SRPK2: variants seen among roughly 807,000 people sequenced by gnomAD.
SRPK2 encodes SFRS protein kinase 2.
SRPK2 carries 21 observed loss-of-function variants against 90.8 expected under a neutral mutation model. That is an observed-to-expected ratio of 0.23 (90% confidence interval 0.16 to 0.33). The LOEUF (loss-of-function observed/expected upper bound fraction) is 0.33. Ranked by LOEUF, SRPK2 falls within the 10% of genes least tolerant of loss-of-function variation. SRPK2 has a pLI of 1.00. For synonymous variants in SRPK2, 288 were observed against 311.1 expected, an observed-to-expected ratio of 0.93 and a Z score of 0.78; for missense variants, 620 against 869.0, an observed-to-expected ratio of 0.71 and a Z score of 3.60.
intron 2 of SRPK2, among the ~76,000 whole-genome samples, chr7:105,218,943 A>T (rs191320862): frequency 3.6e-4 from 54 of 151,800 alleles, no homozygotes; most frequent in Admixed American, 1.1e-3. Context: ...AATTTTTTTT[A>T]AAAAAATAAT....
chr7:105,187,437 T>A (rs771740136), intron 3 of SRPK2, among the ~76,000 whole-genome samples: 14 of 152,242 alleles, frequency 9.2e-5, no homozygotes, highest in Non-Finnish European at 1.9e-4. Context: ...AATAATCTGC[T>A]ATGCTTTGCT....
At chr7:105,125,424 C>T (rs915718836) in intron 15 of SRPK2, among the ~76,000 whole-genome samples, 7 of 152,204 alleles carry the variant, frequency 4.6e-5, no homozygotes, top group South Asian at 2.1e-4. Context: ...TGGACGTTCC[C>T]TAAGTCCAGT....
At chr7:105,229,841 C>T (rs892325503) in intron 2 of SRPK2, among the ~76,000 whole-genome samples, 2 of 152,154 alleles carry the variant, frequency 1.3e-5, no homozygotes, top group African/African-American at 4.8e-5. Flanking sequence ...AAATCAACAG[C>T]GAAGCTGAGT....
intron 2 of SRPK2, among the ~76,000 whole-genome samples, chr7:105,358,112 T>C (rs1817988221): frequency 1.3e-5 from 2 of 150,338 alleles, no homozygotes; most frequent in Non-Finnish European, 2.9e-5. Flanking sequence ...GAGTCCCAGC[T>C]ACTCAAGAGG....
intron 3 of SRPK2, among the ~76,000 whole-genome samples, chr7:105,175,149 A>G (rs1313171832): frequency 6.6e-6 from 1 of 152,040 alleles, no homozygotes; most frequent in Non-Finnish European, 1.5e-5. Flanking sequence ...CAAAAAAAAA[A>G]AAAGAAAGAA....
At chr7:105,387,937 G>C (rs932525603) in intron 2 of SRPK2, among the ~76,000 whole-genome samples, 1 of 152,182 alleles carries the variant, frequency 6.6e-6, no homozygotes, top group East Asian at 1.9e-4. Flanking sequence ...CACTCCGACC[G>C]GCTCCCGCGC....
chr7:105,280,197 T>C (rs376235456), intron 2 of SRPK2, among the ~76,000 whole-genome samples: 1 of 152,048 alleles, frequency 6.6e-6, no homozygotes, highest in African/African-American at 2.4e-5. Flanking sequence ...GGCAGATTGC[T>C]TCAGGTCAGA....
chr7:105,221,396 C>T (rs1798075756), intron 2 of SRPK2, among the ~76,000 whole-genome samples: 1 of 152,216 alleles, frequency 6.6e-6, no homozygotes, highest in Admixed American at 6.5e-5. Context: ...TCTCACCAAT[C>T]TTATTCTTTC....
At chr7:105,396,973 A>G (rs1034618943) in intron 1 of SRPK2, among the ~76,000 whole-genome samples, 2 of 151,902 alleles carry the variant, frequency 1.3e-5, no homozygotes, top group African/African-American at 4.8e-5. Context: ...GTGACATTTT[A>G]TTTTTTTATT....
chr7:105,146,770 C>T (rs781612963), intron 7 of SRPK2, 112 bp from the exon 8 acceptor site: 3 of 1,144,328 alleles, frequency 2.6e-6, no homozygotes, highest in Admixed American at 2.4e-5. Context: ...TTGATAAACA[C>T]AAAAGGATAT....
chr7:105,205,184 A>G (rs1014245221), intron 2 of SRPK2, among the ~76,000 whole-genome samples: 1 of 152,182 alleles, frequency 6.6e-6, no homozygotes, highest in Non-Finnish European at 1.5e-5. Flanking sequence ...CTTGCCAACA[A>G]AAAAACCCAT....
At chr7:105,244,994 G>A (rs930349696) in intron 2 of SRPK2, 81 of 986,038 alleles carry the variant, frequency 8.2e-5, no homozygotes, top group Non-Finnish European at 1.2e-4. Context: ...CCCTCTCCCT[G>A]AAATAAAGAA....
chr7:105,388,814 C>A lies in SRPK2; in HGVS notation c.-8G>T. On this transcript the variant is annotated 5_prime_UTR_variant, in exon 1 of 16. Coordinates refer to ENST00000393651, the MANE Select transcript of SRPK2 (RefSeq NM_182692.3). ...ACCTTTCCGGGAGCTCATTCCGACGCGGCGGAAGCGGGGCGGGGGGCTTCG... is the reference window on the plus strand; with the variant it reads ...ACCTTTCCGGGAGCTCATTCCGACGAGGCGGAAGCGGGGCGGGGGGCTTCG... 1 of 1,416,408 alleles carries A rather than the reference C, an allele frequency of 7.1e-7. No homozygotes were observed. The highest frequency in any genetic ancestry group is 9.2e-7 in the Non-Finnish European group (1 of 1,084,136). The allele number at this position is 1,416,408 out of a possible 1,614,324, so 87.7% of individuals were successfully genotyped here. A position where few individuals can be genotyped will look rare whatever the true frequency, so the allele number is the denominator to read the frequency against.
chr7:105,328,514 G>T (rs1209343486), intron 2 of SRPK2, among the ~76,000 whole-genome samples: 1 of 123,626 alleles, frequency 8.1e-6, no homozygotes, highest in African/African-American at 3.1e-5. Flanking sequence ...AGTGAGCTGC[G>T]ATCAGGCCAC....
intron 2 of SRPK2, among the ~76,000 whole-genome samples, chr7:105,217,051 T>C (rs1797559666): frequency 6.6e-6 from 1 of 152,200 alleles, no homozygotes; most frequent in Non-Finnish European, 1.5e-5. Context: ...CTGTGACCAA[T>C]AAATACACCT....
chr7:105,279,857 T>A (rs1341762385), intron 2 of SRPK2, among the ~76,000 whole-genome samples: 1 of 152,184 alleles, frequency 6.6e-6, no homozygotes, highest in Non-Finnish European at 1.5e-5. Context: ...CACAAGTTCT[T>A]AGATAACTGT....
intron 2 of SRPK2, among the ~76,000 whole-genome samples, chr7:105,325,126 G>A (rs1428485222): frequency 6.6e-6 from 1 of 152,076 alleles, no homozygotes; most frequent in African/African-American, 2.4e-5. Context: ...TAATAATCAA[G>A]TGATCTAAGT....
intron 3 of SRPK2, among the ~76,000 whole-genome samples, chr7:105,177,471 A>G (rs1362618422): frequency 6.6e-6 from 1 of 152,232 alleles, no homozygotes. Context: ...TATCTCATTT[A>G]CAAGATAAAA....
intron 2 of SRPK2, among the ~76,000 whole-genome samples, chr7:105,288,893 A>G (rs147025558): frequency 1.3e-5 from 2 of 152,132 alleles, no homozygotes; most frequent in Non-Finnish European, 2.9e-5. Flanking sequence ...AAGGGCTACC[A>G]CAATAAAGAG....
Sources: allele counts gnomAD v4.1 joint callset (sites outside exome capture counted in the v4.1 genomes callset), GRCh38; gene constraint gnomAD v4.1.1; transcripts MANE v1.5; gene names NCBI Gene and HGNC (gene_info 2026-07-23, HGNC 2026-07-21).